Variants in FAM107A observed in about 807,000 individuals in gnomAD.
The protein encoded by FAM107A is actin-associated protein FAM107A.
A neutral mutation model predicts 13.7 loss-of-function variants in FAM107A; 19 were observed. The observed-to-expected ratio is 1.38, with a 90% CI of 0.97 to 2.03. The LOEUF (loss-of-function observed/expected upper bound fraction) is 2.03. FAM107A is among the 30% of genes most tolerant of loss of function. The probability of loss-of-function intolerance (pLI) is 0.00; values close to 1 mark genes in which losing one functional copy is unlikely to be tolerated. For synonymous variants in FAM107A, 82 were observed against 74.5 expected (o/e 1.10, Z -0.52); for missense variants, 203 against 184.4 (o/e 1.10, Z -0.58).
chr3:58,572,558 A>T (rs539765267), intron 1 of FAM107A, among the ~76,000 whole-genome samples: 1 of 152,234 alleles, frequency 6.6e-6, no homozygotes, highest in South Asian at 2.1e-4. Context: ...GTGTGAGCTG[A>T]GAGACTGGGA....
upstream of FAM107A, among the ~76,000 whole-genome samples, chr3:58,587,360 C>T (rs2065618932): frequency 3.3e-5 from 5 of 152,206 alleles, no homozygotes; most frequent in Admixed American, 3.3e-4. Context: ...CCATTAAAAG[C>T]TGTGTGTCCC....
chr3:58,582,028 G>C (rs116490081), upstream of FAM107A, among the ~76,000 whole-genome samples: 1,505 of 151,948 alleles, frequency 9.9e-3, 28 homozygotes, highest in African/African-American at 0.033. Context: ...CTGTTTCTCT[G>C]TGTGTGTGTG....
chr3:58,610,692 C>G, intron 1 of FAM107A, among the ~76,000 whole-genome samples: 1 of 152,124 alleles, frequency 6.6e-6, no homozygotes, highest in East Asian at 1.9e-4. Flanking sequence ...ACTGATATTC[C>G]CAGAGGAATT....
At chr3:58,579,335 C>G (rs773973633), upstream of FAM107A, among the ~76,000 whole-genome samples, 2 of 152,050 alleles carry the variant, frequency 1.3e-5, no homozygotes, top group Admixed American at 1.3e-4. Flanking sequence ...GTCTTGGCCA[C>G]GCTGACCATT....
chr3:58,614,888 C>T (rs1164903983), intron 1 of FAM107A, among the ~76,000 whole-genome samples: 2 of 152,196 alleles, frequency 1.3e-5, no homozygotes, highest in Non-Finnish European at 2.9e-5. Context: ...TCACTGCAAC[C>T]TCCGCCTCCC....
chr3:58,620,303 C>G (rs906007443), intron 1 of FAM107A, among the ~76,000 whole-genome samples: 1 of 152,138 alleles, frequency 6.6e-6, no homozygotes, highest in African/African-American at 2.4e-5. Context: ...GAACTTGACC[C>G]CCTTCTAATC....
upstream of FAM107A, among the ~76,000 whole-genome samples, chr3:58,587,621 G>A (rs1433897849): frequency 1.3e-5 from 2 of 151,990 alleles, no homozygotes; most frequent in Non-Finnish European, 2.9e-5. Flanking sequence ...GAGAGGCAGG[G>A]TCTTTGCTGG....
intron 1 of FAM107A, among the ~76,000 whole-genome samples, chr3:58,622,788 T>C (rs1467710623): frequency 1.3e-5 from 2 of 151,944 alleles, no homozygotes; most frequent in Admixed American, 1.3e-4. Context: ...CTGCCTTTGT[T>C]GGGGGGGATA....
chr3:58,599,322 C>T (rs1575451006), intron 1 of FAM107A, among the ~76,000 whole-genome samples: 1 of 152,324 alleles, frequency 6.6e-6, no homozygotes, highest in Admixed American at 6.5e-5. Flanking sequence ...GTGAATATTT[C>T]TCTAGGGCAG....
At chr3:58,595,882 A>T (rs751807265) in intron 1 of FAM107A, among the ~76,000 whole-genome samples, 5 of 152,222 alleles carry the variant, frequency 3.3e-5, no homozygotes, top group Admixed American at 6.5e-5. Flanking sequence ...ATCATTCCTG[A>T]TGCATTACTG....
At chr3:58,571,067 A>G (rs1253930524) in intron 1 of FAM107A, among the ~76,000 whole-genome samples, 1 of 152,212 alleles carries the variant, frequency 6.6e-6, no homozygotes, top group Non-Finnish European at 1.5e-5. Flanking sequence ...ATGCAGTTTC[A>G]TGGATGAACA....
At chr3:58,623,681 C>A (rs1425054019) in intron 1 of FAM107A, among the ~76,000 whole-genome samples, 1 of 152,184 alleles carries the variant, frequency 6.6e-6, no homozygotes, top group Non-Finnish European at 1.5e-5. Context: ...GTTTGAGAGG[C>A]CAGGCTCTTA....
intron 1 of FAM107A, among the ~76,000 whole-genome samples, chr3:58,599,383 A>C (rs1462153903): frequency 6.6e-6 from 1 of 152,230 alleles, no homozygotes; most frequent in African/African-American, 2.4e-5. Flanking sequence ...TTTAAGTTTT[A>C]GTAGATGCTG....
At chr3:58,616,045 G>A (rs189368384) in intron 1 of FAM107A, among the ~76,000 whole-genome samples, 2 of 152,232 alleles carry the variant, frequency 1.3e-5, no homozygotes, top group Admixed American at 1.3e-4. Flanking sequence ...GGCTGTCAGA[G>A]ATACCTGTGG....
rs2065776318 is a variant in FAM107A, at chr3:58,604,376, A to G, written c.-69-15107T>C. Among the ~76,000 whole-genome samples the G allele has an allele frequency of 2.0e-5, 3 of 152,112 alleles. No homozygotes were observed. The South Asian group carries it at 6.2e-4, about 32-fold the overall frequency. ...TCAGCTCAGAGCATGTCCTGGGCTG[A>G]TAACAGGTCCTGTGCCAGACAGACT... On this transcript the variant is annotated intron_variant, in intron 1 of 3. Coordinates refer to the FAM107A transcript ENST00000465970. The surrounding 1 kb of genome is among the most constrained non-coding windows in gnomAD (Gnocchi z 4.1).
chr3:58,568,734 G>T (rs2063650111), intron 2 of FAM107A, among the ~76,000 whole-genome samples: 1 of 152,108 alleles, frequency 6.6e-6, no homozygotes, highest in South Asian at 2.1e-4. Context: ...AATCACAACC[G>T]GCTCTAATAC....
At chr3:58,620,664 A>T (rs1233325222) in intron 1 of FAM107A, among the ~76,000 whole-genome samples, 1 of 152,224 alleles carries the variant, frequency 6.6e-6, no homozygotes, top group African/African-American at 2.4e-5. Flanking sequence ...GGGGAGACCC[A>T]GCCAGCACCT....
chr3:58,568,230 C>G (rs552119419), intron 2 of FAM107A, among the ~76,000 whole-genome samples: 1 of 152,008 alleles, frequency 6.6e-6, no homozygotes, highest in Admixed American at 6.5e-5. Flanking sequence ...GTCAGGAGAC[C>G]GAGACCATCC....
intron 1 of FAM107A, chr3:58,627,353 C>G (rs914303184): frequency 3.5e-6 from 1 of 282,138 alleles, no homozygotes; most frequent in Non-Finnish European, 6.7e-6. Flanking sequence ...CATCACACAC[C>G]GGTAGCTCAG....
Sources: gnomAD v4.1 joint callset for allele counts (sites outside exome capture counted in the v4.1 genomes callset) on GRCh38, gnomAD v4.1.1 for gene constraint, Gnocchi (gnomAD v3.1) non-coding constraint, MANE v1.5 for transcripts, NCBI Gene and HGNC (gene_info 2026-07-23, HGNC 2026-07-21) for gene names.